ARAP2: variants seen among roughly 807,000 people sequenced by gnomAD.
The protein encoded by ARAP2 is arf-GAP with Rho-GAP domain, ANK repeat and PH domain-containing protein 2.
ARAP2 carries 148 observed loss-of-function variants against 194.5 expected under a neutral mutation model. The observed-to-expected ratio is 0.76, with a 90% CI of 0.67 to 0.87. The LOEUF is 0.87. ARAP2 is among the 40% of genes least tolerant of loss of function. The pLI is 0.00. For missense variants in ARAP2, 2,128 were observed against 1,989.7 expected (o/e 1.07, Z -1.32); for synonymous variants, 695 against 683.5 (o/e 1.02, Z -0.26).
chr4:36,030,872 C>T (rs1194049225), intron 5 of ARAP2, among the ~76,000 whole-genome samples: 1 of 147,388 alleles, frequency 6.8e-6, no homozygotes, highest in Non-Finnish European at 1.5e-5. Flanking sequence ...TGGTTCACTC[C>T]TGTAATCCCA....
intron 9 of ARAP2, among the ~76,000 whole-genome samples, chr4:36,168,963 A>T (rs1406378324): frequency 6.6e-6 from 1 of 151,932 alleles, no homozygotes; most frequent in African/African-American, 2.4e-5. Flanking sequence ...CTTGATTATT[A>T]TTTTTTTTAA....
At chr4:36,036,778 AC>A (rs1363353639) in intron 5 of ARAP2, among the ~76,000 whole-genome samples, 3 of 152,180 alleles carry the variant, frequency 2.0e-5, no homozygotes, top group Non-Finnish European at 2.9e-5. Flanking sequence ...TAGTATAGCT[AC>A]AAAACCAGAA....
intron 5 of ARAP2, among the ~76,000 whole-genome samples, chr4:36,032,296 C>G (rs1719116951): frequency 6.6e-6 from 1 of 152,176 alleles, no homozygotes; most frequent in Admixed American, 6.5e-5. Context: ...TCGCTAAAGA[C>G]AGGCCAAGGT....
chr4:36,105,246 G>C (rs1490749714), intron 27 of ARAP2, among the ~76,000 whole-genome samples: 2 of 151,956 alleles, frequency 1.3e-5, no homozygotes, highest in African/African-American at 4.8e-5. Context: ...CTTGAACCTG[G>C]GAGGCAGAGG....
chr4:36,081,966 A>C (rs1014558654), intron 30 of ARAP2, among the ~76,000 whole-genome samples: 1 of 152,168 alleles, frequency 6.6e-6, no homozygotes. Context: ...TTTTAAAACT[A>C]TCACCTACTT....
At chr4:36,176,852 T>C (rs1231669907) in intron 9 of ARAP2, among the ~76,000 whole-genome samples, 1 of 152,116 alleles carries the variant, frequency 6.6e-6, no homozygotes, top group Non-Finnish European at 1.5e-5. Context: ...AACTACTATT[T>C]GTTTTGATAT....
intron 6 of ARAP2, among the ~76,000 whole-genome samples, chr4:36,197,909 T>C (rs1743481081): frequency 6.6e-6 from 1 of 151,812 alleles, no homozygotes; most frequent in African/African-American, 2.4e-5. Context: ...CAGCCCTGCC[T>C]CAGGGAGCTT....
rs557469533 is a variant in ARAP2, at chr4:36,090,605, T to C, written c.4425+1276A>G. The stretch of plus-strand genomic sequence containing the variant: ...ATAAAAAAGAATGAGATCATGTCCT[T>C]TGCAAGAACATGGATAGAACTGGAG... On this transcript the variant is annotated intron_variant, in intron 28 of 32. Transcript: ENST00000303965. Among the ~76,000 whole-genome samples, 142 of 152,248 alleles carry C rather than the reference T, an allele frequency of 9.3e-4. 1 individual carries two copies. The highest frequency in any genetic ancestry group is 3.3e-3 in the African/African-American group (137 of 41,570).
At chr4:36,032,426 A>G (rs1473477940) in intron 5 of ARAP2, among the ~76,000 whole-genome samples, 3 of 152,208 alleles carry the variant, frequency 2.0e-5, no homozygotes, top group Non-Finnish European at 2.9e-5. Flanking sequence ...TCACTTTTTT[A>G]TTATTCACAG....
chr4:36,187,502 A>G lies in ARAP2; in HGVS notation c.1627T>C (p.Phe543Leu), dbSNP rs754567256. ...GTTCTTTGTGTTGTAACAACTTCAAATTTGTTGTCTCCTTGAACTCGTACT... is the reference window on the plus strand; with the variant it reads ...GTTCTTTGTGTTGTAACAACTTCAAGTTTGTTGTCTCCTTGAACTCGTACT... ...STVRVQGDNK[F>L]EVVTTQRTFV... is the part of the protein sequence containing the mutation. Residue 543 changes from phenylalanine (F) to leucine (L), a missense_variant, in exon 8 of 33, where the codon TTT becomes CTT. Physicochemically the swap from Phe to Leu is conservative, Grantham distance 22. Coordinates refer to ENST00000303965, the MANE Select transcript of ARAP2 (RefSeq NM_015230.4). 56 of 1,542,680 alleles carry G rather than the reference A, an allele frequency of 3.6e-5. No homozygotes were observed. The highest frequency in any genetic ancestry group is 4.7e-5 in the Non-Finnish European group (54 of 1,138,852).
At chr4:36,091,067 A>C (rs889615307) in intron 28 of ARAP2, among the ~76,000 whole-genome samples, 3 of 152,202 alleles carry the variant, frequency 2.0e-5, no homozygotes, top group African/African-American at 2.4e-5. Flanking sequence ...TAAAAAGTAC[A>C]CAAATCATAC....
chr4:36,129,011 C>T lies in ARAP2; in HGVS notation c.3428-266G>A, dbSNP rs73806497. ...CCTCCAGCTCTCCATAGTATCTTTT[C>T]CAAATGTTCTTTTTCTTAAAGTGCC... On this transcript the variant is annotated intron_variant, in intron 20 of 32. Coordinates refer to ENST00000303965, the MANE Select transcript of ARAP2 (RefSeq NM_015230.4). 5.3e-3 allele frequency among the ~76,000 whole-genome samples: 806 copies of T among 152,038 alleles called. 11 individuals carry two copies. The highest frequency in any genetic ancestry group is 0.018 in the African/African-American group (760 of 41,506).
intron 5 of ARAP2, among the ~76,000 whole-genome samples, chr4:36,023,691 A>G (rs1279923418): frequency 2.0e-5 from 3 of 152,194 alleles, no homozygotes; most frequent in Non-Finnish European, 4.4e-5. Context: ...TCAGCAGTGA[A>G]CTCGACAACA....
chr4:36,073,892 C>A (rs769308082), intron 31 of ARAP2, 69 bp from the exon 32 acceptor site: 13 of 1,553,740 alleles, frequency 8.4e-6, no homozygotes, highest in Non-Finnish European at 1.1e-5. Flanking sequence ...CATAAAGCCA[C>A]TTGGTTTCTT....
At chr4:36,209,507 C>A in intron 6 of ARAP2, 1 of 352,800 alleles carries the variant, frequency 2.8e-6, no homozygotes, top group African/African-American at 2.2e-5. Flanking sequence ...TTAATTCCTG[C>A]TTCTACTAGT....
chr4:36,063,052 A>AG (rs1724716754), downstream of ARAP2, among the ~76,000 whole-genome samples: 3 of 152,174 alleles, frequency 2.0e-5, no homozygotes, highest in African/African-American at 7.2e-5. Flanking sequence ...TAACATAACT[A>AG]ACTCCATTTT....
chr4:36,033,438 A>T (rs1021160603), intron 5 of ARAP2, among the ~76,000 whole-genome samples: 1 of 151,200 alleles, frequency 6.6e-6, no homozygotes, highest in Non-Finnish European at 1.5e-5. Context: ...GTTGACAAGT[A>T]TGTCTCCTTT....
In ARAP2 at chr4:36,170,867, A is replaced by C. The variant is rs73809150; in HGVS notation, c.1858-3820T>G. On this transcript the variant is annotated intron_variant, in intron 9 of 32. Coordinates refer to ENST00000303965, the MANE Select transcript of ARAP2 (RefSeq NM_015230.4). ...CTTAGTCCTTTGGCTGCAAAAAAGC[A>C]TAAGACTGGGTATCTGCCTTGAGGA... Among the ~76,000 whole-genome samples, 948 of 152,284 alleles carry C rather than the reference A, an allele frequency of 6.2e-3. 10 individuals carry two copies. Among genetic ancestry groups the C allele is most frequent in the African/African-American group, 0.022 (902 of 41,564 alleles).
chr4:36,160,555 T>A lies in ARAP2; in HGVS notation c.2346A>T (p.Pro782=). Residue 782 remains proline (P), a synonymous_variant, in exon 13 of 33, where the codon CCA becomes CCT. Coordinates refer to ENST00000303965, the MANE Select transcript of ARAP2 (RefSeq NM_015230.4). ...QKDEELHMDS[P]VEKRKNFITQ... is the part of the protein sequence containing the mutation. ...TAATAAAGTTTTTTCTCTTTTCTAC[T>A]GGTGAGTCCATATGTAATTCTTCAT... 6.4e-7 allele frequency: 1 copy of A among 1,572,284 alleles called. No individual in the cohort carries two copies.
Sources: gnomAD v4.1 joint callset for allele counts (sites outside exome capture counted in the v4.1 genomes callset) on GRCh38, gnomAD v4.1.1 for gene constraint, MANE v1.5 for transcripts, NCBI Gene and HGNC (gene_info 2026-07-23, HGNC 2026-07-21) for gene names.